Variants in ALS2CL observed in about 807,000 individuals in gnomAD.
ALS2CL encodes the protein ALS2 C-terminal like.
A neutral mutation model predicts 127.9 loss-of-function variants in ALS2CL; 112 were observed. The ratio of observed to expected loss-of-function variants is 0.88; its 90% CI spans 0.75 to 1.02. The LOEUF (loss-of-function observed/expected upper bound fraction) is 1.02. Among genes scored for constraint, ALS2CL ranks in the 50% least tolerant of loss-of-function variants. The pLI is 0.00. For missense variants in ALS2CL, 1,174 were observed against 1,236.7 expected, an observed-to-expected ratio of 0.95 and a Z score of 0.76; for synonymous variants, 519 against 527.6, an observed-to-expected ratio of 0.98 and a Z score of 0.22.
At chr3:46,690,851 G>A (rs557920933) in intron 1 of ALS2CL, among the ~76,000 whole-genome samples, 3 of 152,320 alleles carry the variant, frequency 2.0e-5, no homozygotes, top group South Asian at 2.1e-4. Flanking sequence ...AGTGCCATGC[G>A]GGCATCCCAG....
At chr3:46,679,667 G>T (rs564124270) in intron 14 of ALS2CL, 3 of 166,182 alleles carry the variant, frequency 1.8e-5, no homozygotes, top group Non-Finnish European at 3.9e-5. Context: ...ATGGGCTGCC[G>T]GGAAGCTCAG....
At chr3:46,672,700 T>C (rs1284818722) in intron 22 of ALS2CL, among the ~76,000 whole-genome samples, 1 of 152,168 alleles carries the variant, frequency 6.6e-6, no homozygotes. Context: ...CACAACAATT[T>C]TGAGGTGGTT....
At chr3:46,677,340 C>T in intron 16 of ALS2CL, 4 of 1,156,220 alleles carry the variant, frequency 3.5e-6, no homozygotes, top group Non-Finnish European at 4.3e-6. Context: ...CAAGAGAGAC[C>T]AGTGTCCAAA....
intron 14 of ALS2CL, 52 bp from the exon 15 acceptor site, chr3:46,679,339 G>A (rs746737883): frequency 1.4e-6 from 2 of 1,449,294 alleles, no homozygotes; most frequent in Non-Finnish European, 1.9e-6. Flanking sequence ...GGAAGGGCCA[G>A]GAAACTCAGG....
At chr3:46,674,453 T>C in intron 21 of ALS2CL, 113 bp downstream of exon 21, 1 of 1,374,584 alleles carries the variant, frequency 7.3e-7, no homozygotes, top group Non-Finnish European at 9.9e-7. Flanking sequence ...TGCATAAGCT[T>C]AGAACTTGGT....
chr3:46,676,937 G>A lies in ALS2CL; in HGVS notation c.1843C>T (p.Pro615Ser), dbSNP rs1257229631. Reference protein sequence around the residue: ...PFRDFVCAGCPRDLQEALLGF... With the variant: ...PFRDFVCAGCSRDLQEALLGF... ...AGCAGGGCCTCCTGCAGGTCCCTGGGGCAGCCAGCACACACAAAGTCCCGG... is the reference window on the plus strand; with the variant it reads ...AGCAGGGCCTCCTGCAGGTCCCTGGAGCAGCCAGCACACACAAAGTCCCGG... The change falls in exon 17 of 26, where the codon CCC becomes TCC. Residue 615 changes from proline (P) to serine (S), a missense_variant. Pro to Ser is a moderately conservative substitution (Grantham distance 74). Transcript: ENST00000318962. 2 of 1,613,728 alleles carry A rather than the reference G, an allele frequency of 1.2e-6. No homozygotes were observed. The highest frequency in any genetic ancestry group is 1.1e-5 in the South Asian group (1 of 91,080).
chr3:46,681,705 A>C lies in ALS2CL; in HGVS notation c.1176-107T>G. 1 of 1,148,376 alleles carries C rather than the reference A, an allele frequency of 8.7e-7. No homozygotes were observed. Among genetic ancestry groups the C allele is most frequent in the Admixed American group, 2.0e-5 (1 of 51,098 alleles). The allele number at this position is 1,148,376 out of a possible 1,614,324, so 71.1% of individuals were successfully genotyped here. ...CCTGCCCCCAAGGAGCCTTCCAGAC[A>C]ACAGGGAGACTCTCAGAGGCCCTCA... On this transcript the variant is annotated intron_variant, in intron 11 of 25. Coordinates refer to ENST00000318962, the MANE Select transcript of ALS2CL (RefSeq NM_147129.5). This position sits in a 1 kb window ranked among gnomAD's most constrained non-coding sequence, Gnocchi z 4.9.
chr3:46,681,438 C>G lies in ALS2CL; in HGVS notation c.1275-31G>C. 6.2e-7 allele frequency: 1 copy of G among 1,610,434 alleles called. No homozygotes were observed. Among genetic ancestry groups the G allele is most frequent in the Non-Finnish European group, 8.5e-7 (1 of 1,177,222 alleles). Reference sequence around the variant, plus strand: ...GAGGGCCATCAACAACGAGCTCTGCCTCATGGAGCTCAGCCCAGAGGATGG... The same window carrying G: ...GAGGGCCATCAACAACGAGCTCTGCGTCATGGAGCTCAGCCCAGAGGATGG... On this transcript the variant is annotated intron_variant, in intron 12 of 25. Transcript: ENST00000318962. The surrounding 1 kb of genome is among the most constrained non-coding windows in gnomAD (Gnocchi z 4.9).
rs191847428 is a variant in ALS2CL at position 46,684,544 on chromosome 3, C to T, written c.787-497G>A. Among the ~76,000 whole-genome samples the T allele has an allele frequency of 4.6e-5, 7 of 152,366 alleles. No homozygotes were observed. The East Asian group carries it at 1.2e-3, about 25-fold the overall frequency. ...CTGACAGCCAGAAAAAAAGCCCCTTCCTATGGGAAGATTTTGTGTAGCAAC... is the reference window on the plus strand; with the variant it reads ...CTGACAGCCAGAAAAAAAGCCCCTTTCTATGGGAAGATTTTGTGTAGCAAC... On this transcript the variant is annotated intron_variant, in intron 7 of 25. Coordinates refer to ENST00000318962, the MANE Select transcript of ALS2CL (RefSeq NM_147129.5).
chr3:46,681,484 A>C lies in ALS2CL; in HGVS notation c.1274+16T>G, dbSNP rs750024050. 78 of 1,613,926 alleles carry C rather than the reference A, an allele frequency of 4.8e-5. No individual in the cohort carries two copies. The highest frequency in any genetic ancestry group is 2.0e-4 in the Admixed American group (12 of 59,994). ...GATGGGCCCAGCCCATGAACCCCCC[A>C]GCCAGGGTCACTTACTCACAGATGC... On this transcript the variant is annotated intron_variant, in intron 12 of 25. Coordinates refer to ENST00000318962, the MANE Select transcript of ALS2CL (RefSeq NM_147129.5). The surrounding 1 kb of genome is among the most constrained non-coding windows in gnomAD (Gnocchi z 4.9).
In ALS2CL at chr3:46,674,666, G is replaced by A. The variant is rs770204090; in HGVS notation, c.2329C>T (p.Leu777=). 4.3e-6 allele frequency: 7 copies of A among 1,614,160 alleles called. No individual in the cohort carries two copies. In the South Asian group the frequency reaches 4.4e-5, roughly 10 times the overall value. ...CTGTCCTCCCGCTCATGAAGCAGCA[G>A]GTAGAGCGTGAAGAGCTCTGAGTAG... ...SFYSELFTLY[L]LLHEREDSFY... Residue 777 remains leucine (L), a synonymous_variant, in exon 21 of 26, where the codon CTG becomes TTG. Coordinates refer to ENST00000318962, the MANE Select transcript of ALS2CL (RefSeq NM_147129.5).
chr3:46,676,562 C>G, intron 18 of ALS2CL, 80 bp downstream of exon 18: 1 of 1,559,892 alleles, frequency 6.4e-7, no homozygotes, highest in African/African-American at 1.4e-5. Context: ...AGTCAGCACC[C>G]TGCTATGAAA....
intron 22 of ALS2CL, among the ~76,000 whole-genome samples, 188 bp downstream of exon 22, chr3:46,673,151 G>A (rs1208826183): frequency 6.6e-6 from 1 of 152,198 alleles, no homozygotes; most frequent in African/African-American, 2.4e-5. Context: ...GTTTGAGCCT[G>A]GTGGTTACAG....
At chr3:46,671,126 G>T in intron 25 of ALS2CL, 62 bp from the exon 26 acceptor site, 2 of 1,521,880 alleles carry the variant, frequency 1.3e-6, no homozygotes, top group Non-Finnish European at 1.8e-6. Context: ...ACATGCACAG[G>T]ATCTAGGGCT....
Position 46,681,201 on chromosome 3 carries a change from C to T in ALS2CL, c.1436+45G>A, listed in dbSNP as rs771699111. On this transcript the variant is annotated intron_variant, in intron 13 of 25. Coordinates refer to ENST00000318962, the MANE Select transcript of ALS2CL (RefSeq NM_147129.5). The surrounding 1 kb of genome is among the most constrained non-coding windows in gnomAD (Gnocchi z 4.9). ...TGCAACAATCTGGTCTGTGAGGGCCCGGTCCACCCCTCCGTCCTGGGAGTG... is the reference window on the plus strand; with the variant it reads ...TGCAACAATCTGGTCTGTGAGGGCCTGGTCCACCCCTCCGTCCTGGGAGTG... 5 of 1,612,914 alleles carry T rather than the reference C, an allele frequency of 3.1e-6. 1 individual carries two copies. In the South Asian group the frequency reaches 3.3e-5, roughly 11 times the overall value.
intron 24 of ALS2CL, 83 bp from the exon 25 acceptor site, chr3:46,671,667 T>C: frequency 6.2e-7 from 1 of 1,600,638 alleles, no homozygotes; most frequent in Non-Finnish European, 8.5e-7. Flanking sequence ...GAAGGAGCGC[T>C]GGCCTGGATG....
intron 2 of ALS2CL, 137 bp from the exon 3 acceptor site, chr3:46,688,433 T>A: frequency 1.2e-6 from 1 of 827,138 alleles, no homozygotes; most frequent in Non-Finnish European, 1.9e-6. Flanking sequence ...TCTGCATCCC[T>A]GGGATCCGCA....
At chr3:46,671,465 G>A (rs767324529) in intron 25 of ALS2CL, 23 bp downstream of exon 25, 7 of 1,613,422 alleles carry the variant, frequency 4.3e-6, no homozygotes, top group Admixed American at 1.7e-5. Flanking sequence ...TTTCCACCTC[G>A]GTCCACAGCC....
In ALS2CL at chr3:46,685,661, G is replaced by A. The variant is rs752858127; in HGVS notation, c.667-17C>T. ...GAGCACATCCTGGTGGGGCAAAGAGGACAGTACAAGGCTTAGGCACCTCTG... is the reference window on the plus strand; with the variant it reads ...GAGCACATCCTGGTGGGGCAAAGAGAACAGTACAAGGCTTAGGCACCTCTG... On this transcript the variant is annotated splice_polypyrimidine_tract_variant and intron_variant, in intron 6 of 25. Transcript: ENST00000318962. The A allele has an allele frequency of 2.4e-5, 39 of 1,611,534 alleles. No individual in the cohort carries two copies. Among genetic ancestry groups the A allele is most frequent in the Non-Finnish European group, 3.3e-5 (39 of 1,179,004 alleles).
Sources: gnomAD v4.1 joint callset for allele counts (sites outside exome capture counted in the v4.1 genomes callset) on GRCh38, gnomAD v4.1.1 for gene constraint, Gnocchi (gnomAD v3.1) non-coding constraint, MANE v1.5 for transcripts, NCBI Gene and HGNC (gene_info 2026-07-23, HGNC 2026-07-21) for gene names.